DMD: variants seen among roughly 807,000 people sequenced by gnomAD.
DMD encodes the protein dystrophin.
DMD carries 63 observed loss-of-function variants against 330.1 expected under a neutral mutation model. The observed-to-expected ratio is 0.19, with a 90% CI of 0.16 to 0.24. The LOEUF is 0.24. Among genes scored for constraint, DMD ranks in the 10% least tolerant of loss-of-function variants. DMD has a pLI of 1.00. For missense variants in DMD, 3,344 were observed against 2,684.1 expected, an observed-to-expected ratio of 1.25 and a Z score of -5.43; for synonymous variants, 1,223 against 959.8, an observed-to-expected ratio of 1.27 and a Z score of -5.07.
chrX:31,324,424 A>T (rs2056633576), intron 61 of DMD, among the ~76,000 whole-genome samples: 2 of 106,390 alleles, frequency 1.9e-5, no homozygotes. Context: ...AAGTTGTAGG[A>T]TTTCTTCCCT....
chrX:32,639,587 T>C (rs1185372096), intron 11 of DMD, among the ~76,000 whole-genome samples: 2 of 112,401 alleles, frequency 1.8e-5, no homozygotes, highest in Non-Finnish European at 3.8e-5. Context: ...TTCTTTATTG[T>C]ATTAGCTTTT....
chrX:32,867,611 T>A (rs913169074), intron 2 of DMD, among the ~76,000 whole-genome samples: 2 of 112,106 alleles, frequency 1.8e-5, no homozygotes, highest in African/African-American at 6.5e-5. Context: ...CAGCAAACAT[T>A]TGCTAATTGT....
At chrX:31,989,475 G>T (rs2095534608) in intron 44 of DMD, among the ~76,000 whole-genome samples, 1 of 111,629 alleles carries the variant, frequency 9.0e-6, no homozygotes, top group Non-Finnish European at 1.9e-5. Flanking sequence ...CAGAAATTCT[G>T]CCGTATTCAA....
Position 32,734,220 on chromosome X carries a change from G to C in DMD, c.650-34927C>G, listed in dbSNP as rs1379868063. On this transcript the variant is annotated intron_variant, in intron 7 of 78. Transcript: ENST00000357033. ...TCTCCCAAGACTAAACCAGGAAGAA[G>C]TTGAATCTCTGAATAGACCAATAAC... 6.0e-3 allele frequency among the ~76,000 whole-genome samples: 636 copies of C among 106,830 alleles called. 11 individuals are homozygous for C. The highest frequency in any genetic ancestry group is 0.022 in the African/African-American group (612 of 28,092). The allele number at this position is 106,830 out of a possible 115,157, so 92.8% of individuals were successfully genotyped here.
At chrX:32,195,781 G>A (rs2096996989) in intron 44 of DMD, among the ~76,000 whole-genome samples, 1 of 111,527 alleles carries the variant, frequency 9.0e-6, no homozygotes, top group Admixed American at 9.5e-5. Context: ...CAAGAAGAAA[G>A]GGAGTATTCT....
At chrX:31,733,233 T>C (rs993805777) in intron 51 of DMD, among the ~76,000 whole-genome samples, 3 of 111,368 alleles carry the variant, frequency 2.7e-5, no homozygotes, top group African/African-American at 3.3e-5. Flanking sequence ...CCCTATGAAA[T>C]AGGAAGTTAA....
intron 1 of DMD, among the ~76,000 whole-genome samples, chrX:33,277,143 T>C (rs1349485285): frequency 1.8e-5 from 2 of 111,283 alleles, no homozygotes; most frequent in African/African-American, 6.5e-5. Flanking sequence ...CCATATCACA[T>C]TATGCTGAGT....
At chrX:32,829,289 C>A (rs1433005415) in intron 4 of DMD, among the ~76,000 whole-genome samples, 1 of 111,518 alleles carries the variant, frequency 9.0e-6, no homozygotes, top group African/African-American at 3.2e-5. Flanking sequence ...AACAGTACAC[C>A]TTTAATAACC....
chrX:31,976,714 C>T, intron 44 of DMD, among the ~76,000 whole-genome samples: 1 of 111,484 alleles, frequency 9.0e-6, no homozygotes, highest in East Asian at 2.8e-4. Flanking sequence ...AAGGTGATTT[C>T]AAAATATGTT....
At chrX:32,984,022 C>T (rs754352832) in intron 2 of DMD, among the ~76,000 whole-genome samples, 1 of 111,485 alleles carries the variant, frequency 9.0e-6, no homozygotes, top group East Asian at 2.8e-4. Flanking sequence ...ATGTCCTTTA[C>T]CGTTTTTTTT....
intron 13 of DMD, among the ~76,000 whole-genome samples, chrX:32,582,848 G>A (rs1054548466): frequency 9.0e-6 from 1 of 111,480 alleles, no homozygotes; most frequent in Non-Finnish European, 1.9e-5. Context: ...TCTTTGAGAT[G>A]TAAATCTTCT....
At chrX:31,265,413 T>C (rs1427954510) in intron 62 of DMD, among the ~76,000 whole-genome samples, 1 of 111,216 alleles carries the variant, frequency 9.0e-6, no homozygotes, top group Non-Finnish European at 1.9e-5. Context: ...CCATTCTAGT[T>C]CCCCATTTCT....
At chrX:32,604,043 C>A (rs1044885764) in intron 12 of DMD, among the ~76,000 whole-genome samples, 1 of 110,487 alleles carries the variant, frequency 9.1e-6, no homozygotes, top group Non-Finnish European at 1.9e-5. Context: ...AAGGACACAA[C>A]AAAAAGGAAA....
At chrX:31,386,532 C>G (rs1021428604) in intron 60 of DMD, among the ~76,000 whole-genome samples, 1 of 111,852 alleles carries the variant, frequency 8.9e-6, no homozygotes, top group Non-Finnish European at 1.9e-5. Flanking sequence ...TAATGCCTTA[C>G]CTCATTTAAT....
chrX:32,114,649 C>T (rs1054604379), intron 44 of DMD, among the ~76,000 whole-genome samples: 5 of 111,789 alleles, frequency 4.5e-5, no homozygotes, highest in African/African-American at 9.8e-5. Context: ...CTGGGTCTTA[C>T]GCTCTGTTGG....
intron 34 of DMD, among the ~76,000 whole-genome samples, chrX:32,365,802 C>T (rs1442093655): frequency 8.9e-6 from 1 of 111,737 alleles, no homozygotes; most frequent in Non-Finnish European, 1.9e-5. Flanking sequence ...CAAGATCTAG[C>T]ATCAGGTCTT....
At chrX:31,973,563 G>C (rs1321594556) in intron 44 of DMD, among the ~76,000 whole-genome samples, 2 of 110,634 alleles carry the variant, frequency 1.8e-5, no homozygotes, top group Non-Finnish European at 3.8e-5. Context: ...TCTCGGCTCC[G>C]TCTCCTGCCG....
rs1345611675 is a variant in DMD at position 32,511,700 on chromosome X, CATG to C, written c.2292+6305_2292+6307del. 7.3e-5 allele frequency among the ~76,000 whole-genome samples: 8 copies of C among 110,171 alleles called. No individual in the cohort carries two copies. The East Asian group carries it at 2.0e-3, about 27-fold the overall frequency. On this transcript the variant is annotated intron_variant, in intron 18 of 78. Coordinates refer to ENST00000357033, the MANE Select transcript of DMD (RefSeq NM_004006.3). ...TTATCTTTCTCTTAAATTTCGTCCT[CATG>C]AAGTCATCCAGCTTTTCTGTATGTG...
At chrX:32,294,198 T>A (rs1284837149) in intron 42 of DMD, among the ~76,000 whole-genome samples, 1 of 112,276 alleles carries the variant, frequency 8.9e-6, no homozygotes, top group Non-Finnish European at 1.9e-5. Flanking sequence ...TACATAACTC[T>A]GCCAAGTCCT....
Sources: allele counts gnomAD v4.1 joint callset (sites outside exome capture counted in the v4.1 genomes callset), GRCh38; gene constraint gnomAD v4.1.1; transcripts MANE v1.5; gene names NCBI Gene and HGNC (gene_info 2026-07-23, HGNC 2026-07-21).